RTN4RL1: variants seen among roughly 807,000 people sequenced by gnomAD.
RTN4RL1 encodes the protein reticulon 4 receptor like 1, also known as reticulon-4 receptor-like 1.
A neutral mutation model predicts 25.6 loss-of-function variants in RTN4RL1; 7 were observed. That is an observed-to-expected ratio of 0.27 (90% CI 0.16 to 0.51). The LOEUF (loss-of-function observed/expected upper bound fraction) is 0.51. Among genes scored for constraint, RTN4RL1 ranks in the 20% least tolerant of loss-of-function variants. RTN4RL1 has a pLI of 0.97. For synonymous variants in RTN4RL1, 297 were observed against 288.2 expected, an observed-to-expected ratio of 1.03 and a Z score of -0.31; for missense variants, 500 against 615.6, an observed-to-expected ratio of 0.81 and a Z score of 1.99.
chr17:1,946,868 GTGTGTC>G lies in RTN4RL1; in HGVS notation c.14-9066_14-9061del, dbSNP rs999031766. On this transcript the variant is annotated intron_variant, in intron 1 of 1. Coordinates refer to ENST00000331238, the MANE Select transcript of RTN4RL1 (RefSeq NM_178568.4). ...ATGTTGAATGTGTGTCTGTGTGCAC[GTGTGTC>G]TGTGTCTCTGTGTGTGCACGTGTGT... Among the ~76,000 whole-genome samples the G allele has an allele frequency of 5.9e-4, 39 of 66,412 alleles. 1 individual carries two copies. The highest frequency in any genetic ancestry group is 1.0e-3 in the Non-Finnish European group (29 of 27,808). 43.6% of individuals were successfully genotyped at this position (66,412 alleles called of 152,430 possible).
chr17:2,021,551 CTTTTTTTTTTT>C (rs767770637), intron 1 of RTN4RL1, among the ~76,000 whole-genome samples: 1 of 106,188 alleles, frequency 9.4e-6, no homozygotes, highest in Non-Finnish European at 1.8e-5. Context: ...CATCCTATAC[CTTTTTTTTTTT>C]TTTTTTTTTT....
chr17:2,013,090 G>A (rs377451055), intron 1 of RTN4RL1, among the ~76,000 whole-genome samples: 4 of 152,114 alleles, frequency 2.6e-5, no homozygotes, highest in Admixed American at 6.6e-5. Context: ...CACTGCGCCC[G>A]GCCTGCTATG....
At chr17:2,012,096 T>C (rs539939934) in intron 1 of RTN4RL1, among the ~76,000 whole-genome samples, 1 of 152,304 alleles carries the variant, frequency 6.6e-6, no homozygotes, top group Admixed American at 6.5e-5. Context: ...CTGGCAATTT[T>C]AGCATGTTTG....
intron 1 of RTN4RL1, among the ~76,000 whole-genome samples, chr17:2,000,802 G>C (rs1451479745): frequency 6.6e-6 from 1 of 152,132 alleles, no homozygotes; most frequent in Non-Finnish European, 1.5e-5. Context: ...TTACAGGGGT[G>C]CGCCACTGCA....
intron 1 of RTN4RL1, among the ~76,000 whole-genome samples, chr17:2,013,928 C>A (rs371265195): frequency 6.6e-6 from 1 of 152,246 alleles, no homozygotes; most frequent in African/African-American, 2.4e-5. Flanking sequence ...AGCTGTGCAG[C>A]AGGGTTAAGC....
intron 1 of RTN4RL1, among the ~76,000 whole-genome samples, chr17:2,002,379 G>A (rs1489015870): frequency 6.0e-5 from 9 of 150,246 alleles, no homozygotes; most frequent in Middle Eastern, 6.8e-3. Context: ...TGCAAGCTCC[G>A]CCTCCCGGGT....
chr17:2,023,933 G>A (rs902219406), intron 1 of RTN4RL1, among the ~76,000 whole-genome samples: 1 of 152,092 alleles, frequency 6.6e-6, no homozygotes, highest in African/African-American at 2.4e-5. Context: ...GCGCGGGGGG[G>A]ATCCCGGCGG....
At chr17:1,945,170 C>A (rs1046749825) in intron 1 of RTN4RL1, among the ~76,000 whole-genome samples, 1 of 152,190 alleles carries the variant, frequency 6.6e-6, no homozygotes, top group Non-Finnish European at 1.5e-5. Flanking sequence ...GCTGTCCCTG[C>A]CTCTTCCTCA....
rs541343667 is a variant in RTN4RL1, at chr17:1,982,216, G to A, written c.13+42637C>T. ...TTCAGGAGGATGAGGCAGGAGAATCGCTTAAACCCAGGAGGCGGAGGTTGC... is the reference window on the plus strand; with the variant it reads ...TTCAGGAGGATGAGGCAGGAGAATCACTTAAACCCAGGAGGCGGAGGTTGC... On this transcript the variant is annotated intron_variant, in intron 1 of 1. Coordinates refer to ENST00000331238, the MANE Select transcript of RTN4RL1 (RefSeq NM_178568.4). Among the ~76,000 whole-genome samples, 55 of 152,300 alleles carry A rather than the reference G, an allele frequency of 3.6e-4. No individual in the cohort carries two copies. In the South Asian group the frequency reaches 7.0e-3, roughly 20 times the overall value.
chr17:1,977,703 G>A (rs1424702526), intron 1 of RTN4RL1, among the ~76,000 whole-genome samples: 2 of 152,118 alleles, frequency 1.3e-5, no homozygotes, highest in African/African-American at 4.8e-5. Flanking sequence ...AACTTCTGAG[G>A]AGAGACCCGG....
chr17:1,971,186 G>C (rs980910928), intron 1 of RTN4RL1, among the ~76,000 whole-genome samples: 1 of 152,146 alleles, frequency 6.6e-6, no homozygotes, highest in Non-Finnish European at 1.5e-5. Flanking sequence ...TGCTGTTCTC[G>C]TGATAGTGAG....
At chr17:1,965,797 A>G (rs1194921694) in intron 1 of RTN4RL1, among the ~76,000 whole-genome samples, 1 of 152,124 alleles carries the variant, frequency 6.6e-6, no homozygotes, top group Admixed American at 6.5e-5. Context: ...CGGGAAGTCT[A>G]GCTCCTCAGC....
intron 1 of RTN4RL1, among the ~76,000 whole-genome samples, chr17:1,957,019 C>A (rs55895513): frequency 8.9e-4 from 136 of 152,316 alleles, no homozygotes; most frequent in African/African-American, 3.2e-3. Context: ...GGATTACAGG[C>A]GTGAGCCACC....
In RTN4RL1 at chr17:2,024,934, C is replaced by G; in HGVS notation, c.-69G>C. 6.7e-7 allele frequency: 1 copy of G among 1,501,614 alleles called. No homozygotes were observed. The highest frequency in any genetic ancestry group is 9.0e-7 in the Non-Finnish European group (1 of 1,110,342). The allele number at this position is 1,501,614 out of a possible 1,614,324, so 93.0% of individuals were successfully genotyped here. A position where few individuals can be genotyped will look rare whatever the true frequency, so the allele number is the denominator to read the frequency against. ...CCCTCCCGGGGTCCAGATTCAAATC[C>G]CTGGGCGCCAGCTGCAGCTAATCCG... On this transcript the variant is annotated 5_prime_UTR_variant, in exon 1 of 2. Transcript: ENST00000331238.
intron 1 of RTN4RL1, among the ~76,000 whole-genome samples, chr17:1,939,301 T>C (rs974265006): frequency 1.3e-5 from 2 of 151,942 alleles, no homozygotes; most frequent in East Asian, 1.9e-4. Context: ...TGCAGTGAGC[T>C]GAGATCGTGC....
chr17:1,962,762 C>T (rs1171216711), intron 1 of RTN4RL1, among the ~76,000 whole-genome samples: 1 of 150,318 alleles, frequency 6.7e-6, no homozygotes, highest in Admixed American at 6.7e-5. Flanking sequence ...ACTCGGGAGG[C>T]TGAGGTAAGA....
At chr17:1,946,890 G>A (rs1489514828) in intron 1 of RTN4RL1, among the ~76,000 whole-genome samples, 2 of 143,204 alleles carry the variant, frequency 1.4e-5, no homozygotes, top group African/African-American at 5.3e-5. Context: ...CTCTGTGTGT[G>A]CACGTGTGTC....
chr17:1,987,703 G>A (rs1051327906), intron 1 of RTN4RL1, among the ~76,000 whole-genome samples: 1 of 145,646 alleles, frequency 6.9e-6, no homozygotes, highest in Non-Finnish European at 1.5e-5. Context: ...CACTGCAGAT[G>A]TGTGTGAGTT....
rs2067254040 is a variant in RTN4RL1, at chr17:2,025,040, C to G, written c.-175G>C. 1 of 537,940 alleles carries G rather than the reference C, an allele frequency of 1.9e-6. No homozygotes were observed. Among genetic ancestry groups the G allele is most frequent in the Non-Finnish European group, 3.0e-6 (1 of 330,140 alleles). 33.3% of individuals were successfully genotyped at this position (537,940 alleles called of 1,614,324 possible). A position where few individuals can be genotyped will look rare whatever the true frequency, so the allele number is the denominator to read the frequency against. Reference sequence around the variant, plus strand: ...CGCAGGGGCATGGTGAGCTCCAGCCCCGCGCCGAGGGCACCGGCGCCCGCA... The same window carrying G: ...CGCAGGGGCATGGTGAGCTCCAGCCGCGCGCCGAGGGCACCGGCGCCCGCA... On this transcript the variant is annotated 5_prime_UTR_variant, in exon 1 of 2. Coordinates refer to ENST00000331238, the MANE Select transcript of RTN4RL1 (RefSeq NM_178568.4). This position sits in a 1 kb window ranked among gnomAD's most constrained non-coding sequence, Gnocchi z 4.8.
Sources: allele counts gnomAD v4.1 joint callset (sites outside exome capture counted in the v4.1 genomes callset), GRCh38; gene constraint gnomAD v4.1.1; non-coding constraint Gnocchi (gnomAD v3.1); transcripts MANE v1.5; gene names NCBI Gene and HGNC (gene_info 2026-07-23, HGNC 2026-07-21).